IL1RAPL1: variants seen among roughly 807,000 people sequenced by gnomAD.
The protein encoded by IL1RAPL1 is interleukin-1 receptor accessory protein-like 1.
Under a neutral mutation model 48.4 loss-of-function variants are expected in IL1RAPL1, and 3 were observed. That is an observed-to-expected ratio of 0.06 (90% CI 0.03 to 0.16). IL1RAPL1 has a LOEUF of 0.16. Among genes scored for constraint, IL1RAPL1 ranks in the 10% least tolerant of loss-of-function variants. The pLI, the probability that IL1RAPL1 is intolerant of heterozygous loss-of-function variation, is 1.00. For missense variants in IL1RAPL1, 349 were observed against 530.6 expected (o/e 0.66, Z 3.36); for synonymous variants, 185 against 187.7 (o/e 0.99, Z 0.12).
At chrX:29,714,349 T>C (rs761185099) in intron 6 of IL1RAPL1, among the ~76,000 whole-genome samples, 127 of 112,177 alleles carry the variant, frequency 1.1e-3, no homozygotes, top group African/African-American at 3.8e-3. Context: ...ATTATGAAAT[T>C]TGGGGTAGTT....
intron 3 of IL1RAPL1, among the ~76,000 whole-genome samples, chrX:29,304,060 G>C (rs1932579117): frequency 9.0e-6 from 1 of 111,599 alleles, no homozygotes; most frequent in South Asian, 3.8e-4. Flanking sequence ...CTTATTGGAC[G>C]CTTCATTGTG....
At chrX:28,968,693 C>T (rs1924981269) in intron 2 of IL1RAPL1, among the ~76,000 whole-genome samples, 2 of 112,317 alleles carry the variant, frequency 1.8e-5, no homozygotes, top group South Asian at 7.2e-4. Context: ...GCTCAAAATT[C>T]AATTTTATGT....
intron 5 of IL1RAPL1, among the ~76,000 whole-genome samples, chrX:29,484,634 TGAGTAGA>T (rs1302379721): frequency 1.8e-5 from 2 of 111,586 alleles, no homozygotes; most frequent in East Asian, 5.6e-4. Context: ...AACTGGTATC[TGAGTAGA>T]GAGTTAAAGG....
intron 2 of IL1RAPL1, among the ~76,000 whole-genome samples, chrX:29,230,522 A>ACAAACAAAC (rs747601421): frequency 1.1e-5 from 1 of 90,822 alleles, no homozygotes; most frequent in African/African-American, 4.2e-5. Context: ...AAAAAAAAAA[A>ACAAACAAAC]AAAAAAAAAA....
chrX:29,928,611 T>C (rs1932912824), intron 8 of IL1RAPL1, among the ~76,000 whole-genome samples: 1 of 112,167 alleles, frequency 8.9e-6, no homozygotes, highest in South Asian at 3.7e-4. Context: ...AGCACTGGGT[T>C]AGGCATCCTT....
chrX:29,900,806 T>G (rs1464693730), intron 6 of IL1RAPL1, among the ~76,000 whole-genome samples: 1 of 112,008 alleles, frequency 8.9e-6, no homozygotes, highest in Non-Finnish European at 1.9e-5. Context: ...ATGGCCATGA[T>G]TTTATTCTGC....
At chrX:29,873,479 T>G (rs1402585963) in intron 6 of IL1RAPL1, among the ~76,000 whole-genome samples, 3 of 109,539 alleles carry the variant, frequency 2.7e-5, no homozygotes, top group Non-Finnish European at 5.7e-5. Context: ...TGAATGGGAT[T>G]GATGCCTGCG....
chrX:29,681,914 T>TAA (rs11392819), intron 6 of IL1RAPL1, among the ~76,000 whole-genome samples: 8 of 105,122 alleles, frequency 7.6e-5, no homozygotes, highest in African/African-American at 1.7e-4. Flanking sequence ...CTTTGTAAAT[T>TAA]AAAAAAAAAA....
rs147966145 is a variant in IL1RAPL1 at position 29,567,667 on chromosome X, A to T, written c.704-100763A>T. 7.2e-4 allele frequency among the ~76,000 whole-genome samples: 81 copies of T among 111,876 alleles called. 1 individual carries two copies. The East Asian group carries it at 0.019, about 26-fold the overall frequency. On this transcript the variant is annotated intron_variant, in intron 5 of 10. Transcript: ENST00000378993. ...TGAAATTGATGCAGTTCATGTCAGT[A>T]TGCAGTAATTGGAAGCCTTGGAACC...
intron 2 of IL1RAPL1, among the ~76,000 whole-genome samples, chrX:28,939,142 A>C (rs1191651354): frequency 1.8e-5 from 2 of 111,267 alleles, no homozygotes; most frequent in Admixed American, 9.6e-5. Context: ...TCAAAGACCT[A>C]AAAACAGAAC....
intron 6 of IL1RAPL1, among the ~76,000 whole-genome samples, chrX:29,737,626 G>T (rs1457664082): frequency 1.8e-5 from 2 of 112,152 alleles, no homozygotes; most frequent in African/African-American, 3.2e-5. Context: ...CTTAGTAAAA[G>T]AACTGCTGAA....
intron 2 of IL1RAPL1, among the ~76,000 whole-genome samples, chrX:29,138,207 G>A (rs941141184): frequency 3.6e-5 from 4 of 111,639 alleles, no homozygotes; most frequent in African/African-American, 1.3e-4. Flanking sequence ...TTCTTCCAAC[G>A]CTGATTCAGC....
intron 1 of IL1RAPL1, among the ~76,000 whole-genome samples, chrX:28,678,110 T>C (rs1198359561): frequency 8.9e-6 from 1 of 111,865 alleles, no homozygotes; most frequent in Non-Finnish European, 1.9e-5. Flanking sequence ...ATGGCCAGGC[T>C]TCTGCCTCAA....
chrX:29,287,458 T>C (rs1307257239), intron 3 of IL1RAPL1, among the ~76,000 whole-genome samples: 2 of 112,587 alleles, frequency 1.8e-5, no homozygotes, highest in Non-Finnish European at 3.8e-5. Context: ...TGAACATGGA[T>C]TGAATGGTAG....
At chrX:28,996,459 A>G (rs983524251) in intron 2 of IL1RAPL1, among the ~76,000 whole-genome samples, 1 of 111,400 alleles carries the variant, frequency 9.0e-6, no homozygotes, top group Non-Finnish European at 1.9e-5. Flanking sequence ...TCTTTTGGGT[A>G]TGTTCCTAGG....
intron 1 of IL1RAPL1, among the ~76,000 whole-genome samples, chrX:28,749,452 C>T (rs1398523292): frequency 6.3e-5 from 7 of 111,715 alleles, no homozygotes; most frequent in South Asian, 3.8e-4. Flanking sequence ...TGATAATAGC[C>T]ATTCTAATAG....
chrX:28,710,285 A>G (rs998580181), intron 1 of IL1RAPL1, among the ~76,000 whole-genome samples: 4 of 108,836 alleles, frequency 3.7e-5, no homozygotes, highest in African/African-American at 1.3e-4. Context: ...TAAGTAAATT[A>G]TATAACAGAA....
intron 2 of IL1RAPL1, among the ~76,000 whole-genome samples, chrX:28,943,130 C>G (rs1385435077): frequency 9.4e-6 from 1 of 105,959 alleles, no homozygotes; most frequent in Non-Finnish European, 1.9e-5. Context: ...CTATTTATCT[C>G]TTTATTCCAG....
intron 9 of IL1RAPL1, among the ~76,000 whole-genome samples, chrX:29,953,010 T>C (rs1288490305): frequency 1.8e-5 from 2 of 111,901 alleles, no homozygotes; most frequent in East Asian, 5.6e-4. Context: ...TTAACACACA[T>C]GTATATATCT....
Sources: gnomAD v4.1 joint callset for allele counts (sites outside exome capture counted in the v4.1 genomes callset) on GRCh38, gnomAD v4.1.1 for gene constraint, MANE v1.5 for transcripts, NCBI Gene and HGNC (gene_info 2026-07-23, HGNC 2026-07-21) for gene names.